GLMN: variants seen among roughly 807,000 people sequenced by gnomAD.
GLMN encodes the protein glomulin, FKBP associated protein.
A neutral mutation model predicts 87.8 loss-of-function variants in GLMN; 75 were observed. The observed-to-expected ratio is 0.85, with a 90% CI of 0.71 to 1.04. The LOEUF (loss-of-function observed/expected upper bound fraction) is 1.04, where lower values mean the gene tolerates loss of function less well. Among genes scored for constraint, GLMN ranks in the 50% least tolerant of loss-of-function variants. The probability of loss-of-function intolerance (pLI) is 0.00; values close to 1 mark genes in which losing one functional copy is unlikely to be tolerated. For synonymous variants in GLMN, 206 were observed against 221.6 expected (o/e 0.93, Z 0.63); for missense variants, 588 against 658.8 (o/e 0.89, Z 1.18).
At chr1:92,266,596 A>G in intron 12 of GLMN, 104 bp from the exon 13 acceptor site, 1 of 1,096,604 alleles carries the variant, frequency 9.1e-7, no homozygotes, top group Non-Finnish European at 1.4e-6. Context: ...TGTACCTCCT[A>G]AATAAAAATT....
chr1:92,336,338 A>C, the GLMN span: 25 of 1,595,056 alleles, frequency 1.6e-5, no homozygotes, highest in African/African-American at 3.2e-4. Flanking sequence ...GTAATTTTTA[A>C]ATTTTCAGGT....
chr1:92,300,752 A>G (rs917407197), upstream of GLMN, among the ~76,000 whole-genome samples: 6 of 152,334 alleles, frequency 3.9e-5, no homozygotes, highest in Non-Finnish European at 8.8e-5. Context: ...AAGACTCACT[A>G]ATCTTATATT....
chr1:92,265,140 C>T (rs963764209), intron 13 of GLMN, among the ~76,000 whole-genome samples: 5 of 152,112 alleles, frequency 3.3e-5, no homozygotes, highest in South Asian at 4.2e-4. Context: ...CACACCCGGC[C>T]GGTAAATACT....
At chr1:92,255,288 G>C (rs1324537841) in intron 16 of GLMN, among the ~76,000 whole-genome samples, 1 of 152,116 alleles carries the variant, frequency 6.6e-6, no homozygotes, top group East Asian at 1.9e-4. Flanking sequence ...CAGAGACTTA[G>C]ACTCCCACAC....
intron 13 of GLMN, among the ~76,000 whole-genome samples, chr1:92,265,859 C>A (rs1463020842): frequency 6.6e-6 from 1 of 152,180 alleles, no homozygotes; most frequent in Non-Finnish European, 1.5e-5. Context: ...ATCCCCAATA[C>A]AAAGTCAAAG....
intron 16 of GLMN, among the ~76,000 whole-genome samples, chr1:92,256,175 A>G (rs1277372296): frequency 6.6e-6 from 1 of 152,166 alleles, no homozygotes; most frequent in African/African-American, 2.4e-5. Context: ...ATTCCTGGAC[A>G]TACACACCCT....
the GLMN span, among the ~76,000 whole-genome samples, chr1:92,336,027 C>T: frequency 6.6e-6 from 1 of 152,122 alleles, no homozygotes; most frequent in Middle Eastern, 3.2e-3. Context: ...ATTTTGGGGG[C>T]AGTTGTGTTC....
the GLMN span, among the ~76,000 whole-genome samples, chr1:92,318,935 T>C: frequency 6.6e-6 from 1 of 152,180 alleles, no homozygotes; most frequent in Admixed American, 6.5e-5. Flanking sequence ...GAGGGCAGAC[T>C]TCTTTAATAA....
chr1:92,310,529 A>G, the GLMN span, among the ~76,000 whole-genome samples: 1 of 152,204 alleles, frequency 6.6e-6, no homozygotes, highest in Admixed American at 6.5e-5. Context: ...TATTTTTATT[A>G]GCTTACAATG....
chr1:92,350,981 G>A, the GLMN span, among the ~76,000 whole-genome samples: 1 of 151,816 alleles, frequency 6.6e-6, no homozygotes, highest in Admixed American at 6.6e-5. Context: ...ATACTCTACT[G>A]TGTAAAGCTT....
the GLMN span, among the ~76,000 whole-genome samples, chr1:92,344,766 A>G: frequency 6.6e-6 from 1 of 152,014 alleles, no homozygotes; most frequent in Non-Finnish European, 1.5e-5. Context: ...TCAGTCTTTC[A>G]TTTTTCCAGG....
chr1:92,338,889 C>CG, the GLMN span, among the ~76,000 whole-genome samples: 3 of 152,020 alleles, frequency 2.0e-5, no homozygotes, highest in Non-Finnish European at 2.9e-5. Context: ...CAGACACAGG[C>CG]AAGAGCCACA....
chr1:92,251,923 G>C (rs1299855515), intron 16 of GLMN, among the ~76,000 whole-genome samples: 1 of 151,866 alleles, frequency 6.6e-6, no homozygotes, highest in African/African-American at 2.4e-5. Flanking sequence ...AGCCTCCAGA[G>C]TAGCTGGGAT....
At chr1:92,360,959 G>C in the GLMN span, among the ~76,000 whole-genome samples, 1 of 151,710 alleles carries the variant, frequency 6.6e-6, no homozygotes, top group Non-Finnish European at 1.5e-5. Flanking sequence ...GTTTAATTAT[G>C]GTGACTAACC....
At chr1:92,333,798 C>T in the GLMN span, among the ~76,000 whole-genome samples, 253 of 152,206 alleles carry the variant, frequency 1.7e-3, 1 homozygote, top group African/African-American at 5.5e-3. Context: ...TACTGATTTG[C>T]GGTAAATGTG....
chr1:92,254,324 A>G (rs1281781169), intron 16 of GLMN, among the ~76,000 whole-genome samples: 1 of 152,224 alleles, frequency 6.6e-6, no homozygotes, highest in East Asian at 1.9e-4. Flanking sequence ...GGGACAATGG[A>G]ACCAAGGTGG....
the GLMN span, among the ~76,000 whole-genome samples, chr1:92,316,912 G>A: frequency 2.0e-5 from 3 of 152,190 alleles, no homozygotes; most frequent in Non-Finnish European, 4.4e-5. Context: ...GATTGGGGAT[G>A]AGGGAAGGTA....
the GLMN span, chr1:92,324,300 T>G: frequency 6.2e-7 from 1 of 1,614,054 alleles, no homozygotes; most frequent in Non-Finnish European, 8.5e-7. Flanking sequence ...AAAAGTTAAA[T>G]CTGAGGATCA....
At chr1:92,254,761 G>A (rs1031343534) in intron 16 of GLMN, among the ~76,000 whole-genome samples, 3 of 152,104 alleles carry the variant, frequency 2.0e-5, no homozygotes, top group Non-Finnish European at 4.4e-5. Flanking sequence ...CCTGAAGGAA[G>A]CACTAAATAT....
Sources: allele counts gnomAD v4.1 joint callset (sites outside exome capture counted in the v4.1 genomes callset), GRCh38; gene constraint gnomAD v4.1.1; transcripts MANE v1.5; gene names NCBI Gene and HGNC (gene_info 2026-07-23, HGNC 2026-07-21).